CALR: variants seen among roughly 807,000 people sequenced by gnomAD.
The protein encoded by CALR is CRP55.
A neutral mutation model predicts 51.1 loss-of-function variants in CALR; 15 were observed. That is an observed-to-expected ratio of 0.29 (90% CI 0.20 to 0.45). CALR has a LOEUF of 0.45. CALR is among the 20% of genes least tolerant of loss of function. CALR has a pLI of 1.00. For synonymous variants in CALR, 239 were observed against 205.9 expected (o/e 1.16, Z -1.38); for missense variants, 477 against 530.6 (o/e 0.90, Z 0.99).
chr19:12,942,615 G>T (rs541365104), intron 7 of CALR, among the ~76,000 whole-genome samples: 17 of 135,950 alleles, frequency 1.3e-4, no homozygotes, highest in African/African-American at 4.5e-4. Flanking sequence ...TTTTTTTTAA[G>T]ACAGAGTCTT....
In CALR at chr19:12,939,461, C is replaced by T; in HGVS notation, c.227C>T (p.Ala76Val). The T allele has an allele frequency of 6.2e-7, 1 of 1,612,540 alleles. No individual in the cohort carries two copies. The highest frequency in any genetic ancestry group is 8.5e-7 in the Non-Finnish European group (1 of 1,180,030). ...LQTSQDARFY[A>V]LSASFEPFSN... ...ACAAGCCAGGATGCACGCTTTTATG[C>T]TCTGTCGGCCAGTTTCGAGCCTTTC... is the stretch of plus-strand genomic sequence containing the variant. The change falls in exon 3 of 9, where the codon GCT becomes GTT. Residue 76 changes from alanine (A) to valine (V), a missense_variant. Transcript: ENST00000316448.
At chr19:12,943,468 G>A (rs1179543895) in intron 7 of CALR, 69 bp from the exon 8 acceptor site, 2 of 1,376,358 alleles carry the variant, frequency 1.5e-6, no homozygotes. Flanking sequence ...AGGAACACAG[G>A]TGGAAACCCT....
At position 12,940,158 on chromosome 19, in the gene CALR, G is replaced by A. The variant is rs1361192340; in HGVS notation, c.492+11G>A. 6.2e-7 allele frequency: 1 copy of A among 1,613,286 alleles called. No homozygotes were observed. The highest frequency in any genetic ancestry group is 8.5e-7 in the Non-Finnish European group (1 of 1,179,224). On this transcript the variant is annotated intron_variant, in intron 4 of 8. Coordinates refer to ENST00000316448, the MANE Select transcript of CALR (RefSeq NM_004343.4). ...GACATCCGTTGCAAGGTGTGCCTGG[G>A]GGTGGTGGCAAATGGCTGTCATGGG...
intron 1 of CALR, 96 bp downstream of exon 1, chr19:12,938,866 A>G (rs1029868234): frequency 3.3e-5 from 33 of 988,794 alleles, no homozygotes; most frequent in South Asian, 2.3e-4. Context: ...TTAGAGGTCC[A>G]ACACGGTGGC....
chr19:12,939,956 C>A, intron 3 of CALR, 97 bp from the exon 4 acceptor site: 1 of 891,840 alleles, frequency 1.1e-6, no homozygotes, highest in Non-Finnish European at 1.9e-6. Context: ...TTGACAGACC[C>A]GAGTTGAAGA....
chr19:12,939,612 A>G lies in CALR; in HGVS notation c.378A>G (p.Ser126=), dbSNP rs1295282911. ...ACCAGACAGACATGCACGGAGACTC[A>G]GAATACAACATCATGTTTGGTGAGG... is the stretch of plus-strand genomic sequence containing the variant. ...SLDQTDMHGD[S]EYNIMFGPDI... Residue 126 remains serine, a synonymous_variant, in exon 3 of 9, where the codon TCA becomes TCG. Transcript: ENST00000316448. 1 of 1,614,004 alleles carries G rather than the reference A, an allele frequency of 6.2e-7. No homozygotes were observed. Among genetic ancestry groups the G allele is most frequent in the East Asian group, 2.2e-5 (1 of 44,888 alleles).
At position 12,940,776 on chromosome 19, in the gene CALR, A is replaced by C; in HGVS notation, c.849A>C (p.Pro283=). The change falls in exon 7 of 9, where the codon CCA becomes CCC. Residue 283 remains proline (P), a synonymous_variant. Transcript: ENST00000316448. ...GEWKPRQIDN[P]DYKGTWIHPE... ...GGAAGCCCCGGCAGATCGACAACCC[A>C]GATTACAAGGGCACTTGGATCCACC... 1 of 1,614,150 alleles carries C rather than the reference A, an allele frequency of 6.2e-7. No individual in the cohort carries two copies. Among genetic ancestry groups the C allele is most frequent in the Non-Finnish European group, 8.5e-7 (1 of 1,180,014 alleles).
In CALR at chr19:12,938,719, C is replaced by G; in HGVS notation, c.40C>G (p.Leu14Val). The G allele has an allele frequency of 6.2e-7, 1 of 1,611,614 alleles. No individual in the cohort carries two copies. Among genetic ancestry groups the G allele is most frequent in the Non-Finnish European group, 8.5e-7 (1 of 1,179,502 alleles). The change falls in exon 1 of 9, where the codon CTG (leucine) becomes GTG (valine). Residue 14 changes from leucine (L) to valine (V), a missense_variant. Transcript: ENST00000316448. ...SVPLLLGLLG[L>V]AVAEPAVYFK... ...GCCGCTGCTGCTCGGCCTCCTCGGC[C>G]TGGCCGTCGCCGAGCCTGCCGTCTA... is the stretch of plus-strand genomic sequence containing the variant.
chr19:12,943,488 A>T (rs772913783), intron 7 of CALR, 49 bp from the exon 8 acceptor site: 2 of 1,541,118 alleles, frequency 1.3e-6, no homozygotes, highest in Non-Finnish European at 1.8e-6. Flanking sequence ...TGTCCAAAGC[A>T]AGGGCTATCG....
At chr19:12,941,020 T>A in intron 7 of CALR, 133 bp downstream of exon 7, 3 of 847,336 alleles carry the variant, frequency 3.5e-6, no homozygotes, top group Non-Finnish European at 4.0e-6. Context: ...CAGTACTTCC[T>A]GGTCTGTCCC....
intron 7 of CALR, among the ~76,000 whole-genome samples, chr19:12,942,465 C>A (rs1218647596): frequency 6.6e-6 from 1 of 151,774 alleles, no homozygotes; most frequent in Non-Finnish European, 1.5e-5. Context: ...CTGAAAAATA[C>A]CTGAATAAGA....
Position 12,940,749 on chromosome 19 carries a change from G to A in CALR, c.822G>A (p.Glu274=). 1 of 1,614,152 alleles carries A rather than the reference G, an allele frequency of 6.2e-7. No individual in the cohort carries two copies. The highest frequency in any genetic ancestry group is 8.5e-7 in the Non-Finnish European group (1 of 1,180,028). The change falls in exon 7 of 9, where the codon GAG becomes GAA. Residue 274 remains glutamate (E), a synonymous_variant. Coordinates refer to ENST00000316448, the MANE Select transcript of CALR (RefSeq NM_004343.4). ...TTTCCTTCTCCCTTCTGCAGGGTGA[G>A]TGGAAGCCCCGGCAGATCGACAACC... ...PVIQNPEYKG[E]WKPRQIDNPD... is the part of the protein sequence containing the mutation.
At chr19:12,942,858 G>A (rs1971567384) in intron 7 of CALR, among the ~76,000 whole-genome samples, 1 of 151,340 alleles carries the variant, frequency 6.6e-6, no homozygotes, top group South Asian at 2.1e-4. Context: ...CCAGATTCAA[G>A]CGATTCTCCT....
chr19:12,943,949 C>A lies in CALR; in HGVS notation c.*36C>A. 1.2e-6 allele frequency: 2 copies of A among 1,602,458 alleles called. No individual in the cohort carries two copies. Among genetic ancestry groups the A allele is most frequent in the East Asian group, 4.5e-5 (2 of 44,562 alleles). On this transcript the variant is annotated 3_prime_UTR_variant, in exon 9 of 9. Coordinates refer to ENST00000316448, the MANE Select transcript of CALR (RefSeq NM_004343.4). ...CTCCAGGGCTGGACTGAGGCCTGAG[C>A]GCTCCTGCCGCAGAGCTGGCCGCGC...
Position 12,940,543 on chromosome 19 carries a change from C to G in CALR, c.705C>G (p.Asp235Glu). 3 of 1,614,156 alleles carry G rather than the reference C, an allele frequency of 1.9e-6. No homozygotes were observed. The highest frequency in any genetic ancestry group is 1.7e-6 in the Non-Finnish European group (2 of 1,179,992). ...IDDPTDSKPE[D>E]WDKPEHIPDP... is the part of the protein sequence containing the mutation. Reference sequence around the variant, plus strand: ...TGATCTCTTCATCTACCCCCCAGGACTGGGACAAGCCCGAGCATATCCCTG... The same window carrying G: ...TGATCTCTTCATCTACCCCCCAGGAGTGGGACAAGCCCGAGCATATCCCTG... The change falls in exon 6 of 9, where the codon GAC becomes GAG. Residue 235 changes from aspartate to glutamate, a missense_variant and splice_region_variant. Transcript: ENST00000316448.
intron 7 of CALR, among the ~76,000 whole-genome samples, chr19:12,942,229 G>C (rs1000629156): frequency 1.3e-5 from 2 of 151,794 alleles, no homozygotes; most frequent in South Asian, 2.1e-4. Flanking sequence ...CAGGTGTGGT[G>C]GTGGGCGCCT....
intron 7 of CALR, 81 bp downstream of exon 7, chr19:12,940,968 C>A: frequency 7.2e-7 from 1 of 1,388,906 alleles, no homozygotes; most frequent in Non-Finnish European, 1.0e-6. Flanking sequence ...ACAGGGTAGG[C>A]ACCCCAGGTG....
intron 1 of CALR, 85 bp downstream of exon 1, chr19:12,938,855 T>C: frequency 9.4e-7 from 1 of 1,065,334 alleles, no homozygotes; most frequent in Non-Finnish European, 1.4e-6. Context: ...GTAATTACCG[T>C]TTAGAGGTCC....
Position 12,944,356 on chromosome 19 carries a change from C to A in CALR, c.*443C>A. The A allele has an allele frequency of 7.5e-6, 2 of 266,454 alleles. No homozygotes were observed. The highest frequency in any genetic ancestry group is 1.5e-5 in the Non-Finnish European group (2 of 135,634). The allele number at this position is 266,454 out of a possible 1,614,324, so 16.5% of individuals were successfully genotyped here. The stretch of plus-strand genomic sequence containing the variant: ...CACTGAGGAAGAACGGGGCTCTTCT[C>A]ATTTCACCCCTCCCTTTCTCCCCTG... On this transcript the variant is annotated 3_prime_UTR_variant, in exon 9 of 9. Transcript: ENST00000316448.
Sources: gnomAD v4.1 joint callset for allele counts (sites outside exome capture counted in the v4.1 genomes callset) on GRCh38, gnomAD v4.1.1 for gene constraint, MANE v1.5 for transcripts, NCBI Gene and HGNC (gene_info 2026-07-23, HGNC 2026-07-21) for gene names.